CSGALNACT2: variants seen among roughly 807,000 people sequenced by gnomAD.
The protein encoded by CSGALNACT2 is beta 4 GalNAcT-2.
Under a neutral mutation model 55.3 loss-of-function variants are expected in CSGALNACT2, and 35 were observed. The observed-to-expected ratio is 0.63, with a 90% CI of 0.48 to 0.84. The LOEUF (loss-of-function observed/expected upper bound fraction) is 0.84, where lower values mean the gene tolerates loss of function less well. Among genes scored for constraint, CSGALNACT2 ranks in the 40% least tolerant of loss-of-function variants. The pLI is 0.00. For synonymous variants in CSGALNACT2, 196 were observed against 224.9 expected (o/e 0.87, Z 1.15); for missense variants, 544 against 657.5 (o/e 0.83, Z 1.89).
At chr10:43,179,173 C>T (rs761271618) in intron 7 of CSGALNACT2, among the ~76,000 whole-genome samples, 2 of 150,868 alleles carry the variant, frequency 1.3e-5, no homozygotes, top group Non-Finnish European at 2.9e-5. Context: ...AACATACTTA[C>T]AATGGCTGCT....
chr10:43,154,398 A>T (rs1838948783), intron 1 of CSGALNACT2, among the ~76,000 whole-genome samples: 1 of 152,232 alleles, frequency 6.6e-6, no homozygotes. Context: ...CATAATAGTT[A>T]AAAGTATTAT....
intron 4 of CSGALNACT2, chr10:43,163,224 T>C: frequency 1.0e-6 from 1 of 984,350 alleles, no homozygotes; most frequent in Non-Finnish European, 1.2e-6. Flanking sequence ...ATGAGCGATG[T>C]ATTTTTCAGA....
chr10:43,170,324 G>A lies in CSGALNACT2; in HGVS notation c.1254+3226G>A, dbSNP rs541061397. On this transcript the variant is annotated intron_variant, in intron 6 of 7. Transcript: ENST00000374466. Reference sequence around the variant, plus strand: ...CCAATCAAACGAGCCAGAGGTCCACGGAGAAATGGTTGATTCCAGGGCAGG... The same window carrying A: ...CCAATCAAACGAGCCAGAGGTCCACAGAGAAATGGTTGATTCCAGGGCAGG... 3.9e-5 allele frequency among the ~76,000 whole-genome samples: 6 copies of A among 152,238 alleles called. No homozygotes were observed. The South Asian group carries it at 8.3e-4, about 21-fold the overall frequency.
chr10:43,174,807 G>GGGTGGGAA (rs2133149789), intron 6 of CSGALNACT2, among the ~76,000 whole-genome samples: 1 of 152,260 alleles, frequency 6.6e-6, no homozygotes, highest in East Asian at 1.9e-4. Context: ...CCCAAACAAA[G>GGGTGGGAA]GCGCTTTGAT....
intron 6 of CSGALNACT2, among the ~76,000 whole-genome samples, chr10:43,170,775 AG>A (rs1244650034): frequency 6.6e-6 from 1 of 152,244 alleles, no homozygotes; most frequent in African/African-American, 2.4e-5. Flanking sequence ...ACCTTAACCA[AG>A]GGATACCATG....
At chr10:43,147,865 C>A (rs753558082) in intron 1 of CSGALNACT2, among the ~76,000 whole-genome samples, 5 of 126,140 alleles carry the variant, frequency 4.0e-5, no homozygotes, top group African/African-American at 3.0e-5. Context: ...GTTATTTCTT[C>A]ACTTTCTTGT....
At chr10:43,163,260 A>G in intron 4 of CSGALNACT2, 1 of 965,990 alleles carries the variant, frequency 1.0e-6, no homozygotes, top group Non-Finnish European at 1.2e-6. Flanking sequence ...TTCATTCAGC[A>G]AATATTTATT....
intron 1 of CSGALNACT2, among the ~76,000 whole-genome samples, chr10:43,154,501 A>G (rs1007878311): frequency 7.2e-5 from 11 of 152,178 alleles, no homozygotes; most frequent in Non-Finnish European, 1.5e-4. Context: ...TGGGAGGCCA[A>G]GACAGGCAGA....
At chr10:43,181,804 C>T (rs1839593663) in intron 7 of CSGALNACT2, among the ~76,000 whole-genome samples, 1 of 135,972 alleles carries the variant, frequency 7.4e-6, no homozygotes, top group Non-Finnish European at 1.6e-5. Context: ...TTTGACAGGC[C>T]AGGCACGGTG....
chr10:43,141,264 C>T (rs1838614686), intron 1 of CSGALNACT2, among the ~76,000 whole-genome samples: 1 of 151,810 alleles, frequency 6.6e-6, no homozygotes, highest in South Asian at 2.1e-4. Flanking sequence ...GTTGCCCAGG[C>T]TGGAGTGCAG....
At chr10:43,155,871 C>T in intron 2 of CSGALNACT2, 61 bp downstream of exon 2, 10 of 1,343,658 alleles carry the variant, frequency 7.4e-6, no homozygotes, top group Non-Finnish European at 1.0e-5. Flanking sequence ...GTATTGTATG[C>T]TGGTATTGTA....
At chr10:43,144,178 T>A (rs552026847) in intron 1 of CSGALNACT2, among the ~76,000 whole-genome samples, 19 of 152,242 alleles carry the variant, frequency 1.2e-4, no homozygotes, top group Non-Finnish European at 1.8e-4. Context: ...ATATGTTTTA[T>A]AATACACTCA....
chr10:43,161,130 T>C (rs931720594), intron 4 of CSGALNACT2, among the ~76,000 whole-genome samples: 4 of 152,246 alleles, frequency 2.6e-5, no homozygotes, highest in Non-Finnish European at 5.9e-5. Context: ...GCTCAGAGGT[T>C]TGAATGGATG....
intron 7 of CSGALNACT2, among the ~76,000 whole-genome samples, chr10:43,182,676 G>A (rs1241363626): frequency 4.7e-5 from 7 of 150,204 alleles, no homozygotes; most frequent in Non-Finnish European, 1.0e-4. Context: ...CCCAAAGTTC[G>A]AGACCAGCCT....
At chr10:43,176,394 G>A (rs1161090244) in intron 7 of CSGALNACT2, among the ~76,000 whole-genome samples, 1 of 151,964 alleles carries the variant, frequency 6.6e-6, no homozygotes, top group Non-Finnish European at 1.5e-5. Context: ...GAGTAATCTT[G>A]GTTATCTAGA....
In CSGALNACT2 at chr10:43,155,652, A is replaced by T. The variant is rs1317759398; in HGVS notation, c.503A>T (p.Glu168Val). Residue 168 changes from glutamate (E) to valine (V), a missense_variant, in exon 2 of 8, where the codon GAA becomes GTA. This residue lies in a region of CSGALNACT2 where 374 missense variants were observed against 401.3 expected (regional missense o/e 0.93). Coordinates refer to ENST00000374466, the MANE Select transcript of CSGALNACT2 (RefSeq NM_018590.5). Reference protein sequence around the residue: ...QLEMGLTRHPEEKPVRKDKRD... With the variant: ...QLEMGLTRHPVEKPVRKDKRD... ...GAAATGGGTCTCACTCGCCATCCTG[A>T]AGAAAAGCCAGTTAGAAAAGACAAA... 1 of 1,614,092 alleles carries T rather than the reference A, an allele frequency of 6.2e-7. No individual in the cohort carries two copies. Among genetic ancestry groups the T allele is most frequent in the African/African-American group, 1.3e-5 (1 of 74,934 alleles).
intron 1 of CSGALNACT2, among the ~76,000 whole-genome samples, chr10:43,141,619 T>G (rs1838625179): frequency 1.5e-5 from 1 of 68,916 alleles, no homozygotes; most frequent in Non-Finnish European, 2.4e-5. Flanking sequence ...ACAGTGAAAC[T>G]GTCTCAAAAA....
chr10:43,183,070 G>A (rs1839621319), intron 7 of CSGALNACT2, among the ~76,000 whole-genome samples, 180 bp from the exon 8 acceptor site: 2 of 152,134 alleles, frequency 1.3e-5, no homozygotes, highest in Admixed American at 6.5e-5. Context: ...GAGTCCAAGT[G>A]TCAGCTCAAA....
rs777604906 is a variant in CSGALNACT2 at position 43,160,600 on chromosome 10, G to C, written c.980+5G>C. 7.4e-7 allele frequency: 1 copy of C among 1,343,320 alleles called. No individual in the cohort carries two copies. Among genetic ancestry groups the C allele is most frequent in the Non-Finnish European group, 1.1e-6 (1 of 934,638 alleles). 83.2% of individuals were successfully genotyped at this position (1,343,320 alleles called of 1,614,324 possible). A position where few individuals can be genotyped will look rare whatever the true frequency, so the allele number is the denominator to read the frequency against. ...TATCCTAGAATCTGTCACCAGGTTGGTGAACCACATCTGCAGTGAAGGCCT... is the reference window on the plus strand; with the variant it reads ...TATCCTAGAATCTGTCACCAGGTTGCTGAACCACATCTGCAGTGAAGGCCT... On this transcript the variant is annotated splice_donor_5th_base_variant and intron_variant, in intron 4 of 7. Coordinates refer to ENST00000374466, the MANE Select transcript of CSGALNACT2 (RefSeq NM_018590.5).
Sources: allele counts gnomAD v4.1 joint callset (sites outside exome capture counted in the v4.1 genomes callset), GRCh38; gene constraint gnomAD v4.1.1; regional missense constraint gnomAD v4.1.1; transcripts MANE v1.5; gene names NCBI Gene and HGNC (gene_info 2026-07-23, HGNC 2026-07-21).